The following ANXA4 variants were observed in gnomAD, a reference collection of about 807,000 sequenced individuals.
ANXA4 encodes annexin A4.
Under a neutral mutation model 49.8 loss-of-function variants are expected in ANXA4, and 39 were observed. That is an observed-to-expected ratio of 0.78 (90% CI 0.61 to 1.02). The LOEUF is 1.02. ANXA4 is among the 50% of genes least tolerant of loss of function. ANXA4 has a pLI of 0.00. For synonymous variants in ANXA4, 134 were observed against 152.5 expected (o/e 0.88, Z 0.89); for missense variants, 360 against 410.1 (o/e 0.88, Z 1.05).
intron 3 of ANXA4, among the ~76,000 whole-genome samples, chr2:69,732,640 C>T (rs764337381): frequency 6.1e-4 from 93 of 152,084 alleles, no homozygotes; most frequent in Non-Finnish European, 1.2e-3. Flanking sequence ...TGCCTGTAAT[C>T]CCAGCTACTC....
intron 3 of ANXA4, among the ~76,000 whole-genome samples, chr2:69,733,323 G>T (rs1426694650): frequency 6.6e-6 from 1 of 152,194 alleles, no homozygotes; most frequent in African/African-American, 2.4e-5. Flanking sequence ...CTGCAATTTG[G>T]CTGGGCCTGG....
chr2:69,777,809 C>T lies in ANXA4; in HGVS notation c.-46-3711C>T, dbSNP rs944176440. ...CAGATGTCAACTCAGAGATGCCTTCCGGATCGCCCTGCCCAGGCCAGCTTC... is the reference window on the plus strand; with the variant it reads ...CAGATGTCAACTCAGAGATGCCTTCTGGATCGCCCTGCCCAGGCCAGCTTC... On this transcript the variant is annotated intron_variant, in intron 1 of 12. Transcript: ENST00000394295. Among the ~76,000 whole-genome samples, 6 of 152,190 alleles carry T rather than the reference C, an allele frequency of 3.9e-5. 1 individual carries two copies. Among genetic ancestry groups the T allele is most frequent in the Admixed American group, 2.0e-4 (3 of 15,268 alleles).
At chr2:69,704,281 A>G (rs889792285) in intron 2 of ANXA4, among the ~76,000 whole-genome samples, 1 of 152,088 alleles carries the variant, frequency 6.6e-6, no homozygotes, top group Non-Finnish European at 1.5e-5. Context: ...CTTTCATTAT[A>G]TTTTCTAACG....
upstream of ANXA4, among the ~76,000 whole-genome samples, chr2:69,740,449 G>T (rs13423079): frequency 6.6e-6 from 1 of 151,092 alleles, no homozygotes; most frequent in South Asian, 2.1e-4. Context: ...GTTTTGTTTT[G>T]TTTTTGTTTT....
chr2:69,756,590 C>T (rs1029793644), intron 1 of ANXA4, among the ~76,000 whole-genome samples: 2 of 152,140 alleles, frequency 1.3e-5, no homozygotes, highest in African/African-American at 2.4e-5. Context: ...TTCCAATATA[C>T]ACCCAAGTGA....
At chr2:69,750,157 A>G (rs1211672242) in intron 1 of ANXA4, among the ~76,000 whole-genome samples, 1 of 152,208 alleles carries the variant, frequency 6.6e-6, no homozygotes, top group Non-Finnish European at 1.5e-5. Context: ...TGCCCATTGA[A>G]CATTGTTTGT....
chr2:69,783,319 G>GGTTC (rs891324370), intron 2 of ANXA4, among the ~76,000 whole-genome samples: 2 of 152,064 alleles, frequency 1.3e-5, no homozygotes, highest in African/African-American at 4.8e-5. Flanking sequence ...AGGTTTAAGC[G>GGTTC]GTTCCCCTGC....
At chr2:69,653,530 A>G (rs1053612312) in intron 2 of ANXA4, among the ~76,000 whole-genome samples, 4 of 152,146 alleles carry the variant, frequency 2.6e-5, no homozygotes, top group Admixed American at 1.3e-4. Flanking sequence ...AGAGGAAAAT[A>G]CCCTAATTCC....
chr2:69,753,117 G>A (rs1466886799), intron 1 of ANXA4, among the ~76,000 whole-genome samples: 2 of 152,168 alleles, frequency 1.3e-5, no homozygotes, highest in Non-Finnish European at 2.9e-5. Context: ...AACTAGTTAT[G>A]TACCTGTTCT....
chr2:69,667,292 T>C (rs1475544848), intron 2 of ANXA4, among the ~76,000 whole-genome samples: 2 of 151,942 alleles, frequency 1.3e-5, no homozygotes, highest in African/African-American at 2.4e-5. Context: ...AACTATTGAA[T>C]TGTACACTTC....
At chr2:69,656,286 TAC>T (rs1173657456) in intron 2 of ANXA4, among the ~76,000 whole-genome samples, 1 of 116,892 alleles carries the variant, frequency 8.6e-6, no homozygotes, top group East Asian at 4.2e-4. Flanking sequence ...CGTATATATA[TAC>T]ATATATGTAT....
chr2:69,782,171 CCTT>C (rs1214872170), intron 2 of ANXA4, among the ~76,000 whole-genome samples: 1 of 152,196 alleles, frequency 6.6e-6, no homozygotes, highest in African/African-American at 2.4e-5. Flanking sequence ...CATCTGCTCT[CCTT>C]CTCTTGCCCA....
intron 3 of ANXA4, among the ~76,000 whole-genome samples, chr2:69,796,452 C>A (rs1573275753): frequency 6.6e-6 from 1 of 152,156 alleles, no homozygotes; most frequent in African/African-American, 2.4e-5. Context: ...CTTCTAATAT[C>A]AGGAGCTGCC....
intron 2 of ANXA4, among the ~76,000 whole-genome samples, chr2:69,670,890 A>G (rs1677155075): frequency 6.6e-6 from 1 of 151,806 alleles, no homozygotes; most frequent in African/African-American, 2.4e-5. Flanking sequence ...GCCAGGCATG[A>G]TGGTGCACAC....
At chr2:69,747,549 C>A (rs1670660839) in intron 1 of ANXA4, among the ~76,000 whole-genome samples, 1 of 152,140 alleles carries the variant, frequency 6.6e-6, no homozygotes, top group Non-Finnish European at 1.5e-5. Context: ...AGCCATGGAT[C>A]CTTTCTTGAT....
chr2:69,677,302 T>C (rs1169275248), intron 2 of ANXA4, among the ~76,000 whole-genome samples: 3 of 152,140 alleles, frequency 2.0e-5, no homozygotes, highest in Non-Finnish European at 4.4e-5. Context: ...CCATCTTGGC[T>C]CACTGCAACC....
At chr2:69,788,552 AAG>A (rs1454141380) in intron 3 of ANXA4, among the ~76,000 whole-genome samples, 1 of 151,708 alleles carries the variant, frequency 6.6e-6, no homozygotes, top group East Asian at 1.9e-4. Context: ...AAAAGAAAGA[AAG>A]AGGCTGGGCA....
At chr2:69,684,889 T>C (rs1677732677) in intron 2 of ANXA4, among the ~76,000 whole-genome samples, 1 of 152,086 alleles carries the variant, frequency 6.6e-6, no homozygotes, top group African/African-American at 2.4e-5. Context: ...TAAGCGAAGA[T>C]AGAAGCCCAA....
chr2:69,820,462 G>A (rs1292553556), intron 11 of ANXA4, among the ~76,000 whole-genome samples: 1 of 152,038 alleles, frequency 6.6e-6, no homozygotes, highest in African/African-American at 2.4e-5. Flanking sequence ...CACAGGTTAT[G>A]GCTCTAGAAA....
Sources: allele counts gnomAD v4.1 joint callset (sites outside exome capture counted in the v4.1 genomes callset), GRCh38; gene constraint gnomAD v4.1.1; transcripts MANE v1.5; gene names NCBI Gene and HGNC (gene_info 2026-07-23, HGNC 2026-07-21).